Variants in PDGFD observed in about 807,000 individuals in gnomAD.
The protein encoded by PDGFD is platelet-derived growth factor D.
In PDGFD, 30 loss-of-function variants were observed where a neutral mutation model predicts 44.7. The observed-to-expected ratio is 0.67, with a 90% CI of 0.50 to 0.91. The LOEUF is 0.91. Ranked by LOEUF, PDGFD falls within the 40% of genes least tolerant of loss-of-function variation. PDGFD has a pLI of 0.00. For missense variants in PDGFD, 445 were observed against 457.8 expected, an observed-to-expected ratio of 0.97 and a Z score of 0.25; for synonymous variants, 173 against 168.4, an observed-to-expected ratio of 1.03 and a Z score of -0.21.
intron 1 of PDGFD, among the ~76,000 whole-genome samples, chr11:104,122,963 C>G (rs1164003629): frequency 6.6e-6 from 1 of 152,048 alleles, no homozygotes; most frequent in African/African-American, 2.4e-5. Context: ...GACCCTGGAT[C>G]TCCTATTCAC....
intron 1 of PDGFD, among the ~76,000 whole-genome samples, chr11:104,157,653 C>T (rs1379564239): frequency 6.6e-6 from 1 of 152,118 alleles, no homozygotes; most frequent in Non-Finnish European, 1.5e-5. Context: ...AGTAATCATC[C>T]CTGAACTCCT....
chr11:104,029,493 C>T (rs1467851828), intron 1 of PDGFD, among the ~76,000 whole-genome samples: 2 of 152,230 alleles, frequency 1.3e-5, no homozygotes, highest in South Asian at 2.1e-4. Context: ...GAAGTTTTGT[C>T]TTTTATAAGA....
chr11:104,090,188 C>T lies in PDGFD; in HGVS notation c.124+73616G>A, dbSNP rs1861191666. Among the ~76,000 whole-genome samples the T allele has an allele frequency of 2.6e-5, 4 of 151,924 alleles. No individual in the cohort carries two copies. In the South Asian group the frequency reaches 8.3e-4, roughly 31 times the overall value. ...CTTAGAATCATATTATGACAGCAAC[C>T]ACAATAAAAAGCTATGAATCTTACA... On this transcript the variant is annotated intron_variant, in intron 1 of 6. Transcript: ENST00000393158.
At chr11:103,983,056 A>G (rs1236154768) in intron 3 of PDGFD, among the ~76,000 whole-genome samples, 1 of 151,846 alleles carries the variant, frequency 6.6e-6, no homozygotes, top group East Asian at 1.9e-4. Flanking sequence ...TCACAGAATT[A>G]GAAAAAAACT....
intron 5 of PDGFD, among the ~76,000 whole-genome samples, chr11:103,940,545 C>A (rs1858567127): frequency 6.6e-6 from 1 of 152,102 alleles, no homozygotes; most frequent in East Asian, 1.9e-4. Context: ...TCGCTATTTT[C>A]CTGTTTTCAC....
intron 3 of PDGFD, among the ~76,000 whole-genome samples, chr11:103,954,153 T>C (rs1262003342): frequency 6.6e-6 from 1 of 152,220 alleles, no homozygotes; most frequent in East Asian, 1.9e-4. Flanking sequence ...CAGAGAAACT[T>C]TCTTTTCAGA....
chr11:104,029,373 G>A (rs922376536), intron 1 of PDGFD, among the ~76,000 whole-genome samples: 1 of 152,114 alleles, frequency 6.6e-6, no homozygotes, highest in Non-Finnish European at 1.5e-5. Context: ...TTCATGGCTG[G>A]AATACAATTA....
intron 1 of PDGFD, among the ~76,000 whole-genome samples, chr11:104,077,797 A>G (rs1413655135): frequency 6.6e-6 from 1 of 152,164 alleles, no homozygotes; most frequent in Non-Finnish European, 1.5e-5. Context: ...GTTCTAATCA[A>G]TCTATTATAG....
chr11:104,021,452 A>T (rs1166612099), intron 1 of PDGFD, among the ~76,000 whole-genome samples: 1 of 152,156 alleles, frequency 6.6e-6, no homozygotes, highest in Admixed American at 6.5e-5. Flanking sequence ...ATGTGAATTG[A>T]CTGAGACAAC....
At chr11:103,960,578 G>A (rs974922107) in intron 3 of PDGFD, among the ~76,000 whole-genome samples, 4 of 152,146 alleles carry the variant, frequency 2.6e-5, no homozygotes, top group African/African-American at 9.7e-5. Flanking sequence ...TTGACCTTAA[G>A]AAATGTGTTG....
chr11:104,131,766 G>T lies in PDGFD; in HGVS notation c.124+32038C>A, dbSNP rs149374947. On this transcript the variant is annotated intron_variant, in intron 1 of 6. Coordinates refer to ENST00000393158, the MANE Select transcript of PDGFD (RefSeq NM_025208.5). ...CCTTAGACAGAGACACTGTCCCAGA[G>T]TTTTCCTTTAAGTATCCTAAATGGC... is the stretch of plus-strand genomic sequence containing the variant. Among the ~76,000 whole-genome samples, 5 of 122,648 alleles carry T rather than the reference G, an allele frequency of 4.1e-5. No homozygotes were observed. The East Asian group carries it at 1.3e-3, about 32-fold the overall frequency. The allele number at this position is 122,648 out of a possible 152,430, so 80.5% of individuals were successfully genotyped here.
intron 3 of PDGFD, among the ~76,000 whole-genome samples, chr11:103,965,615 C>T (rs1212183683): frequency 6.6e-6 from 1 of 152,142 alleles, no homozygotes; most frequent in Admixed American, 6.5e-5. Context: ...TAGAAAAGAG[C>T]ACAGTACTCA....
intron 1 of PDGFD, among the ~76,000 whole-genome samples, chr11:104,049,055 C>T (rs986036509): frequency 3.9e-5 from 6 of 152,176 alleles, no homozygotes; most frequent in African/African-American, 1.4e-4. Flanking sequence ...GTGGCTGCAT[C>T]CAGGACTCAC....
intron 4 of PDGFD, among the ~76,000 whole-genome samples, chr11:103,947,088 G>A (rs1858678065): frequency 6.6e-6 from 1 of 152,198 alleles, no homozygotes; most frequent in Non-Finnish European, 1.5e-5. Context: ...GTGCAAAGTA[G>A]ATAAGGAGAC....
intron 1 of PDGFD, chr11:104,037,929 C>A: frequency 6.2e-7 from 1 of 1,614,126 alleles, no homozygotes; most frequent in Non-Finnish European, 8.5e-7. Flanking sequence ...TGCCCTTATG[C>A]TCTAGGATGG....
At chr11:103,941,960 T>C (rs1858591121) in intron 5 of PDGFD, among the ~76,000 whole-genome samples, 1 of 152,150 alleles carries the variant, frequency 6.6e-6, no homozygotes, top group African/African-American at 2.4e-5. Flanking sequence ...TTTCTTTAAA[T>C]TGAATCCAAT....
intron 1 of PDGFD, among the ~76,000 whole-genome samples, chr11:104,126,163 A>G (rs12273661): frequency 0.13 from 19,838 of 152,126 alleles, 1,427 homozygotes; most frequent in East Asian, 0.29. Flanking sequence ...AGAGAAACTT[A>G]GTCTACACGC....
At chr11:104,038,838 C>G (rs1040601188) in intron 1 of PDGFD, 1 of 167,048 alleles carries the variant, frequency 6.0e-6, no homozygotes, top group African/African-American at 2.4e-5. Context: ...GGTCCAGGTT[C>G]TCTAATAGTC....
intron 3 of PDGFD, among the ~76,000 whole-genome samples, chr11:103,987,160 TA>T (rs1365694450): frequency 2.7e-5 from 4 of 149,996 alleles, no homozygotes; most frequent in Non-Finnish European, 5.9e-5. Flanking sequence ...TGGTCTTCCA[TA>T]CAGCTGGCTC....
Sources: gnomAD v4.1 joint callset for allele counts (sites outside exome capture counted in the v4.1 genomes callset) on GRCh38, gnomAD v4.1.1 for gene constraint, MANE v1.5 for transcripts, NCBI Gene and HGNC (gene_info 2026-07-23, HGNC 2026-07-21) for gene names.